Variants in IGSF9B observed in about 807,000 individuals in gnomAD.
The protein encoded by IGSF9B is protein turtle homolog B.
A neutral mutation model predicts 143.7 loss-of-function variants in IGSF9B; 48 were observed. That is an observed-to-expected ratio of 0.33 (90% CI 0.26 to 0.42). The LOEUF is 0.42. Among genes scored for constraint, IGSF9B ranks in the 20% least tolerant of loss-of-function variants. The pLI, the probability that IGSF9B is intolerant of heterozygous loss-of-function variation, is 1.00. For missense variants in IGSF9B, 1,706 were observed against 1,980.0 expected, an observed-to-expected ratio of 0.86 and a Z score of 2.63; for synonymous variants, 903 against 833.1, an observed-to-expected ratio of 1.08 and a Z score of -1.44.
At chr11:133,912,657 G>A (rs893587890) in intron 18 of IGSF9B, among the ~76,000 whole-genome samples, 13 of 152,172 alleles carry the variant, frequency 8.5e-5, no homozygotes, top group East Asian at 7.7e-4. Context: ...AGCTCTCCTC[G>A]GCCATGTAAG....
intron 11 of IGSF9B, 146 bp from the exon 12 acceptor site, chr11:133,929,928 A>G (rs1565433982): frequency 4.9e-6 from 3 of 614,152 alleles, no homozygotes. Flanking sequence ...GGCGACGGGG[A>G]TGCTCTCAGG....
chr11:133,925,159 A>G (rs1018023901), intron 14 of IGSF9B, among the ~76,000 whole-genome samples: 1 of 152,220 alleles, frequency 6.6e-6, no homozygotes, highest in African/African-American at 2.4e-5. Flanking sequence ...CAGGCTCTCC[A>G]GGGCCACTGG....
At chr11:133,918,162 G>C (rs982290990) in intron 18 of IGSF9B, among the ~76,000 whole-genome samples, 2 of 152,092 alleles carry the variant, frequency 1.3e-5, no homozygotes, top group Non-Finnish European at 2.9e-5. Context: ...GCGGTGAGGG[G>C]ACATGGTTTG....
Position 133,903,430 on chromosome 11 carries a change from C to T in IGSF9B, c.*5639G>A, listed in dbSNP as rs1939170917. Among the ~76,000 whole-genome samples, 1 of 152,200 alleles carries T rather than the reference C, an allele frequency of 6.6e-6. No homozygotes were observed. The highest frequency in any genetic ancestry group is 6.5e-5 in the Admixed American group (1 of 15,286). On this transcript the variant is annotated 3_prime_UTR_variant, in exon 20 of 20. Transcript: ENST00000533871. ...CAGCTCTCGTCCGAAACCCTAACTA[C>T]TACTACTGTCTTCTACACCGCAGAA...
chr11:133,909,170 C>G lies in IGSF9B; in HGVS notation c.4213G>C (p.Ala1405Pro). ...KKRHSRPDPFARLSDLCHRQL... is the reference protein window; with the variant it reads ...KKRHSRPDPFPRLSDLCHRQL... ...CGGTGGCACAAGTCTGAGAGCCGGG[C>G]AAAGGGGTCAGGACGAGAATGTCTC... The change falls in exon 20 of 20, where the codon GCC (alanine) becomes CCC (proline). Residue 1405 changes from alanine to proline, a missense_variant. By Grantham distance (27) the Ala-to-Pro change is conservative (BLOSUM62 -1). Around this residue, in one of 7 missense-constraint regions of IGSF9B, gnomAD observed 880 missense variants for 762.9 expected, o/e 1.15. Coordinates refer to ENST00000533871, the MANE Select transcript of IGSF9B (RefSeq NM_001277285.4). The surrounding 1 kb of genome is among the most constrained non-coding windows in gnomAD (Gnocchi z 4.2). The G allele has an allele frequency of 1.3e-6, 2 of 1,535,920 alleles. No homozygotes were observed. The highest frequency in any genetic ancestry group is 1.7e-6 in the Non-Finnish European group (2 of 1,146,746).
At chr11:133,911,779 T>TG in intron 19 of IGSF9B, 107 bp downstream of exon 19, 1 of 1,072,070 alleles carries the variant, frequency 9.3e-7, no homozygotes, top group Non-Finnish European at 1.2e-6. Context: ...AGCCCAAGGT[T>TG]GGGGCCCTGA....
intron 1 of IGSF9B, among the ~76,000 whole-genome samples, chr11:133,952,973 G>A (rs932901573): frequency 4.6e-5 from 7 of 152,220 alleles, no homozygotes; most frequent in Non-Finnish European, 1.0e-4. Flanking sequence ...AGGATGTGGA[G>A]AAGAGAGCTA....
intron 1 of IGSF9B, among the ~76,000 whole-genome samples, chr11:133,955,054 C>T (rs1044900982): frequency 1.3e-5 from 2 of 152,212 alleles, no homozygotes; most frequent in Non-Finnish European, 2.9e-5. Flanking sequence ...CTTCCTTCAG[C>T]GTCTCTTTTC....
At position 133,911,913 on chromosome 11, in the gene IGSF9B, C is replaced by A. The variant is rs753450719; in HGVS notation, c.4078G>T (p.Gly1360Cys). The A allele has an allele frequency of 1.1e-5, 17 of 1,534,386 alleles. No homozygotes were observed. Among genetic ancestry groups the A allele is most frequent in the Non-Finnish European group, 1.5e-5 (17 of 1,146,392 alleles). The change falls in exon 19 of 20, where the codon GGC (glycine) becomes TGC (cysteine). Residue 1360 changes from glycine (G) to cysteine (C), a missense_variant. Transcript: ENST00000533871. ...GATCGTTTCTTTGACTTCGAAGAGC[C>A]CTTGGATGACTTTTTGGGCTTCTTT... ...RIKKPKKSSK[G>C]SSKSKKRSDD...
intron 5 of IGSF9B, among the ~76,000 whole-genome samples, chr11:133,936,674 T>A (rs536020209): frequency 9.9e-5 from 15 of 152,164 alleles, no homozygotes; most frequent in African/African-American, 3.4e-4. Flanking sequence ...AGGGAACAGC[T>A]TCCATCCAGG....
chr11:133,936,207 G>T lies in IGSF9B; in HGVS notation c.680-13C>A. 1 of 1,604,402 alleles carries T rather than the reference G, an allele frequency of 6.2e-7. No individual in the cohort carries two copies. Among genetic ancestry groups the T allele is most frequent in the East Asian group, 2.2e-5 (1 of 44,532 alleles). ...ATGAAAGGGGGCCCTGGGGAGAGCA[G>T]GGAACAAACCCCACCTCGCCTGATC... is the stretch of plus-strand genomic sequence containing the variant. On this transcript the variant is annotated splice_polypyrimidine_tract_variant and intron_variant, in intron 5 of 19. Coordinates refer to ENST00000533871, the MANE Select transcript of IGSF9B (RefSeq NM_001277285.4).
rs1591706066 is a variant in IGSF9B, at chr11:133,908,738, G to C, written c.*331C>G. On this transcript the variant is annotated 3_prime_UTR_variant, in exon 20 of 20. Transcript: ENST00000533871. Reference sequence around the variant, plus strand: ...GAAACAGAAGCAGAGAGCAGTAAAAGCCATTGCTTTCCTCTTCACTTCCAA... The same window carrying C: ...GAAACAGAAGCAGAGAGCAGTAAAACCCATTGCTTTCCTCTTCACTTCCAA... The C allele has an allele frequency of 1.1e-5, 3 of 268,162 alleles. No homozygotes were observed. The East Asian group carries it at 2.3e-4, about 21-fold the overall frequency. 16.6% of individuals were successfully genotyped at this position (268,162 alleles called of 1,614,324 possible).
intron 1 of IGSF9B, among the ~76,000 whole-genome samples, chr11:133,947,430 G>A (rs527765908): frequency 8.5e-5 from 13 of 152,288 alleles, no homozygotes; most frequent in East Asian, 7.7e-4. Context: ...GTCCCAGGCC[G>A]GGCACCCGAC....
chr11:133,906,847 A>C lies in IGSF9B; in HGVS notation c.*2222T>G, dbSNP rs1939217655. 6.6e-6 allele frequency among the ~76,000 whole-genome samples: 1 copy of C among 152,124 alleles called. No homozygotes were observed. Among genetic ancestry groups the C allele is most frequent in the African/African-American group, 2.4e-5 (1 of 41,428 alleles). On this transcript the variant is annotated 3_prime_UTR_variant, in exon 20 of 20. Transcript: ENST00000533871. The stretch of plus-strand genomic sequence containing the variant: ...GAAATCTCACACTGCCAGTGCATAA[A>C]GGCTGCACGTCAGCTTGCGGTAAGC...
At chr11:133,926,790 G>C in intron 13 of IGSF9B, 126 bp downstream of exon 13, 1 of 725,126 alleles carries the variant, frequency 1.4e-6, no homozygotes, top group Non-Finnish European at 2.2e-6. Context: ...GAGATCAGAT[G>C]GCACGGCTCT....
rs1247385188 is a variant in IGSF9B at position 133,948,128 on chromosome 11, T to G, written c.65-1870A>C. The stretch of plus-strand genomic sequence containing the variant: ...CGGTTGGCTCATGCAAGGGGAGGGG[T>G]TCTGCCTGCTTCTCTGTATGCAAGG... On this transcript the variant is annotated intron_variant, in intron 1 of 19. Transcript: ENST00000533871. The surrounding 1 kb of genome is among the most constrained non-coding windows in gnomAD (Gnocchi z 4.7). Among the ~76,000 whole-genome samples the G allele has an allele frequency of 1.3e-5, 2 of 149,434 alleles. No homozygotes were observed. Among genetic ancestry groups the G allele is most frequent in the African/African-American group, 2.5e-5 (1 of 40,048 alleles).
chr11:133,925,992 C>T (rs753887138), intron 13 of IGSF9B, 27 bp from the exon 14 acceptor site: 4 of 1,505,426 alleles, frequency 2.7e-6, no homozygotes, highest in Non-Finnish European at 2.7e-6. Flanking sequence ...AGAAGAACCA[C>T]AGCGCATCAG....
At chr11:133,911,013 C>T (rs893132549) in intron 19 of IGSF9B, among the ~76,000 whole-genome samples, 11 of 151,974 alleles carry the variant, frequency 7.2e-5, no homozygotes, top group African/African-American at 1.9e-4. Context: ...AAGTGATCAC[C>T]GTCTCCCAGA....
chr11:133,937,826 G>A lies in IGSF9B; in HGVS notation c.545C>T (p.Ala182Val). ...TWLKEGTLLG[A>V]SGKYQVSDGS... is the part of the protein sequence containing the mutation. ...CACACTCACCTGGTATTTCCCACTA[G>A]CACCGAGGAGCGTCCCCTCCTTGAG... Residue 182 changes from alanine to valine, a missense_variant, in exon 4 of 20, where the codon GCT becomes GTT. Around this residue, in one of 7 missense-constraint regions of IGSF9B, gnomAD observed 238 missense variants for 452.6 expected, o/e 0.53. Coordinates refer to ENST00000533871, the MANE Select transcript of IGSF9B (RefSeq NM_001277285.4). 5.6e-6 allele frequency: 9 copies of A among 1,609,670 alleles called. No individual in the cohort carries two copies. Among genetic ancestry groups the A allele is most frequent in the Non-Finnish European group, 7.6e-6 (9 of 1,177,892 alleles).
Sources: allele counts gnomAD v4.1 joint callset (sites outside exome capture counted in the v4.1 genomes callset), GRCh38; gene constraint gnomAD v4.1.1; regional missense constraint gnomAD v4.1.1; non-coding constraint Gnocchi (gnomAD v3.1); transcripts MANE v1.5; gene names NCBI Gene and HGNC (gene_info 2026-07-23, HGNC 2026-07-21).